THSD4: variants seen among roughly 807,000 people sequenced by gnomAD.
The protein encoded by THSD4 is thrombospondin type-1 domain-containing protein 4.
THSD4 carries 69 observed loss-of-function variants against 119.0 expected under a neutral mutation model. The ratio of observed to expected loss-of-function variants is 0.58; its 90% CI spans 0.48 to 0.71. The LOEUF is 0.71. Among genes scored for constraint, THSD4 ranks in the 30% least tolerant of loss-of-function variants. THSD4 has a pLI of 0.00. For synonymous variants in THSD4, 524 were observed against 540.4 expected (o/e 0.97, Z 0.42); for missense variants, 1,393 against 1,391.1 (o/e 1.00, Z -0.02).
chr15:71,539,492 A>G (rs890115719), intron 7 of THSD4, among the ~76,000 whole-genome samples: 2 of 152,188 alleles, frequency 1.3e-5, no homozygotes, highest in Admixed American at 6.5e-5. Context: ...GACATCTGCT[A>G]TGGTTTACTC....
chr15:71,569,373 C>G (rs541322441), intron 7 of THSD4, among the ~76,000 whole-genome samples: 4 of 152,190 alleles, frequency 2.6e-5, no homozygotes, highest in East Asian at 3.9e-4. Context: ...AATCTAGAGT[C>G]CAGTCTTGTT....
Position 71,331,129 on chromosome 15 carries a change from T to C in THSD4, c.1015+74414T>C, listed in dbSNP as rs116508684. On this transcript the variant is annotated intron_variant, in intron 6 of 17. Transcript: ENST00000261862. ...TCTGCTGCAGCCATTTGGACAGTGT[T>C]GATTAGTTTTCCTGAGGTGCTGTTT... Among the ~76,000 whole-genome samples the C allele has an allele frequency of 5.8e-3, 877 of 152,288 alleles. 11 individuals are homozygous for C. The highest frequency in any genetic ancestry group is 0.02 in the African/African-American group (826 of 41,548).
intron 9 of THSD4, 121 bp from the exon 10 acceptor site, chr15:71,731,000 C>G: frequency 1.3e-6 from 1 of 786,384 alleles, no homozygotes; most frequent in Non-Finnish European, 2.2e-6. Flanking sequence ...ACTGATATTA[C>G]TGGATGCGTA....
chr15:71,387,559 G>T (rs1274200618), intron 6 of THSD4, among the ~76,000 whole-genome samples: 1 of 152,162 alleles, frequency 6.6e-6, no homozygotes, highest in African/African-American at 2.4e-5. Context: ...TAAATTCCAG[G>T]TGGAGGATGA....
chr15:71,317,344 A>T (rs2140356483), intron 6 of THSD4, among the ~76,000 whole-genome samples: 1 of 152,312 alleles, frequency 6.6e-6, no homozygotes, highest in East Asian at 1.9e-4. Flanking sequence ...TTTGTAAAGA[A>T]AAAGAGGTTT....
chr15:71,202,747 A>T (rs2043813958), intron 3 of THSD4, among the ~76,000 whole-genome samples: 1 of 151,998 alleles, frequency 6.6e-6, no homozygotes, highest in African/African-American at 2.4e-5. Flanking sequence ...GCTTCTTGAC[A>T]TGCTGCTAGC....
intron 7 of THSD4, among the ~76,000 whole-genome samples, chr15:71,614,949 C>G (rs1376183770): frequency 6.6e-6 from 1 of 152,200 alleles, no homozygotes; most frequent in Non-Finnish European, 1.5e-5. Flanking sequence ...GCATGCTTCC[C>G]TCCACGAGTT....
chr15:71,445,726 G>A (rs2047171485), intron 7 of THSD4, among the ~76,000 whole-genome samples: 1 of 152,202 alleles, frequency 6.6e-6, no homozygotes, highest in Admixed American at 6.5e-5. Flanking sequence ...GCATTGGTTA[G>A]GACCACTGTT....
chr15:71,471,546 T>C (rs2047580622), intron 7 of THSD4, among the ~76,000 whole-genome samples: 1 of 151,882 alleles, frequency 6.6e-6, no homozygotes, highest in Non-Finnish European at 1.5e-5. Context: ...TCACCCACTT[T>C]ATGTCACTCA....
intron 3 of THSD4, among the ~76,000 whole-genome samples, chr15:71,214,825 A>G (rs771506811): frequency 1.3e-5 from 2 of 151,624 alleles, no homozygotes; most frequent in Non-Finnish European, 2.9e-5. Flanking sequence ...GGGCCGCATT[A>G]TGACTTTCGC....
intron 7 of THSD4, among the ~76,000 whole-genome samples, chr15:71,470,834 A>G (rs1299172477): frequency 6.6e-6 from 1 of 151,856 alleles, no homozygotes; most frequent in African/African-American, 2.4e-5. Flanking sequence ...ACGGGGTTTC[A>G]CCTTGTTAGC....
intron 7 of THSD4, among the ~76,000 whole-genome samples, chr15:71,521,129 T>C (rs1395797466): frequency 1.3e-5 from 2 of 152,074 alleles, no homozygotes; most frequent in African/African-American, 4.8e-5. Context: ...AAAAGGAAAT[T>C]ATTGGTTTAC....
intron 7 of THSD4, among the ~76,000 whole-genome samples, chr15:71,448,857 T>C (rs2047225915): frequency 6.6e-6 from 1 of 152,214 alleles, no homozygotes; most frequent in African/African-American, 2.4e-5. Flanking sequence ...TGACAAATTC[T>C]TCAGTCAGGG....
intron 6 of THSD4, among the ~76,000 whole-genome samples, chr15:71,391,298 G>A (rs186839883): frequency 6.6e-6 from 1 of 152,008 alleles, no homozygotes; most frequent in African/African-American, 2.4e-5. Flanking sequence ...CAAAGTGCTG[G>A]GATTACAGGC....
At chr15:71,591,164 A>G (rs1434323413) in intron 7 of THSD4, among the ~76,000 whole-genome samples, 4 of 152,048 alleles carry the variant, frequency 2.6e-5, no homozygotes, top group Non-Finnish European at 5.9e-5. Flanking sequence ...CCTCTTACCT[A>G]TTGTCACAAA....
At chr15:71,592,669 T>C (rs547269693) in intron 7 of THSD4, among the ~76,000 whole-genome samples, 1 of 152,140 alleles carries the variant, frequency 6.6e-6, no homozygotes, top group African/African-American at 2.4e-5. Flanking sequence ...ATTTACAGAA[T>C]GCATTTTGTG....
At chr15:71,170,348 G>A (rs2043345036) in intron 3 of THSD4, among the ~76,000 whole-genome samples, 1 of 152,108 alleles carries the variant, frequency 6.6e-6, no homozygotes, top group Admixed American at 6.5e-5. Context: ...AATCATCCAA[G>A]AGAATGAAAA....
chr15:71,192,344 G>A (rs993704942), intron 3 of THSD4, among the ~76,000 whole-genome samples: 9 of 151,450 alleles, frequency 5.9e-5, no homozygotes, highest in Non-Finnish European at 8.8e-5. Context: ...GTGCAGTGGA[G>A]CCATCTCAGC....
At position 71,737,796 on chromosome 15, in the gene THSD4, G is replaced by A; in HGVS notation, c.1695G>A (p.Gly565=). 6.2e-7 allele frequency: 1 copy of A among 1,614,236 alleles called. No homozygotes were observed. Among genetic ancestry groups the A allele is most frequent in the African/African-American group, 1.3e-5 (1 of 75,072 alleles). ...GRSQEEGEQK[G]RNEEKEDLRG... is the part of the protein sequence containing the mutation. The stretch of plus-strand genomic sequence containing the variant: ...GCCAGGAGGAGGGAGAACAGAAAGG[G>A]AGGAACGAGGAGAAGGAAGACTTGC... Residue 565 remains glycine (G), a synonymous_variant, in exon 11 of 18, where the codon GGG becomes GGA. Transcript: ENST00000261862.
Sources: gnomAD v4.1 joint callset for allele counts (sites outside exome capture counted in the v4.1 genomes callset) on GRCh38, gnomAD v4.1.1 for gene constraint, MANE v1.5 for transcripts, NCBI Gene and HGNC (gene_info 2026-07-23, HGNC 2026-07-21) for gene names.